Variants in PDE4B observed in about 807,000 individuals in gnomAD.
PDE4B encodes phosphodiesterase 4B.
A neutral mutation model predicts 82.2 loss-of-function variants in PDE4B; 20 were observed. The ratio of observed to expected loss-of-function variants is 0.24; its 90% CI spans 0.17 to 0.35. PDE4B has a LOEUF of 0.35. Among genes scored for constraint, PDE4B ranks in the 10% least tolerant of loss-of-function variants. PDE4B has a pLI of 1.00. For synonymous variants in PDE4B, 320 were observed against 318.9 expected (o/e 1.00, Z -0.04); for missense variants, 655 against 907.2 (o/e 0.72, Z 3.57).
chr1:65,883,137 G>A (rs369432299), intron 1 of PDE4B, among the ~76,000 whole-genome samples: 3,068 of 152,174 alleles, frequency 0.02, 55 homozygotes, highest in South Asian at 0.074. Context: ...TTGGAAATGC[G>A]GGCTCTTTTT....
At chr1:66,189,334 T>C (rs1647514192) in intron 3 of PDE4B, among the ~76,000 whole-genome samples, 7 of 152,004 alleles carry the variant, frequency 4.6e-5, no homozygotes, top group Admixed American at 3.9e-4. Context: ...TCTCGAGGAG[T>C]ATCTTTGTGG....
chr1:65,995,341 C>A (rs909906885), intron 3 of PDE4B, among the ~76,000 whole-genome samples: 3 of 152,134 alleles, frequency 2.0e-5, no homozygotes, highest in Non-Finnish European at 4.4e-5. Flanking sequence ...ATACAACATG[C>A]AATGAAAATC....
intron 4 of PDE4B, among the ~76,000 whole-genome samples, chr1:66,253,363 G>A (rs1177931036): frequency 1.3e-5 from 2 of 152,234 alleles, no homozygotes; most frequent in African/African-American, 4.8e-5. Flanking sequence ...GTGTGGCAGT[G>A]AAAGGCAGTA....
At chr1:65,803,431 C>T (rs527635361) in intron 1 of PDE4B, among the ~76,000 whole-genome samples, 71 of 152,014 alleles carry the variant, frequency 4.7e-4, no homozygotes, top group Non-Finnish European at 5.3e-4. Flanking sequence ...AGTATCATAA[C>T]CAGGAATTTT....
chr1:66,245,198 A>T (rs915065245), intron 3 of PDE4B, among the ~76,000 whole-genome samples: 33 of 152,192 alleles, frequency 2.2e-4, no homozygotes, highest in African/African-American at 7.0e-4. Context: ...TAGTTACTGG[A>T]TCACCAAGAA....
intron 3 of PDE4B, among the ~76,000 whole-genome samples, chr1:66,238,238 G>A (rs1378043166): frequency 1.3e-5 from 2 of 152,174 alleles, no homozygotes; most frequent in Non-Finnish European, 2.9e-5. Context: ...AAACACACAC[G>A]TGCAAAATTG....
intron 3 of PDE4B, among the ~76,000 whole-genome samples, chr1:66,094,745 C>A (rs1014789009): frequency 6.6e-6 from 1 of 151,928 alleles, no homozygotes; most frequent in Non-Finnish European, 1.5e-5. Flanking sequence ...ATCTAAAGCA[C>A]CATAATAGTA....
chr1:66,238,121 C>A (rs1276264223), intron 3 of PDE4B, among the ~76,000 whole-genome samples: 49 of 152,114 alleles, frequency 3.2e-4, no homozygotes, highest in African/African-American at 1.2e-3. Flanking sequence ...GAGGAGAAAA[C>A]AAACAGAAAG....
chr1:66,152,242 C>T (rs1367764865), intron 3 of PDE4B: 1 of 156,238 alleles, frequency 6.4e-6, no homozygotes, highest in African/African-American at 2.4e-5. Flanking sequence ...ATTTTAGAAG[C>T]TTTTCAATGA....
At chr1:65,884,801 C>T (rs2100356078) in intron 1 of PDE4B, among the ~76,000 whole-genome samples, 1 of 152,234 alleles carries the variant, frequency 6.6e-6, no homozygotes, top group East Asian at 1.9e-4. Flanking sequence ...TAGGCATGGG[C>T]AAGGACTTCA....
intron 1 of PDE4B, among the ~76,000 whole-genome samples, chr1:65,814,953 C>T (rs962017201): frequency 2.4e-4 from 37 of 151,772 alleles, no homozygotes; most frequent in African/African-American, 8.2e-4. Context: ...TTAGAAAGTG[C>T]TTGGCTATGC....
chr1:65,837,397 G>C (rs983561963), intron 1 of PDE4B, among the ~76,000 whole-genome samples: 18 of 152,026 alleles, frequency 1.2e-4, no homozygotes, highest in Non-Finnish European at 2.9e-5. Context: ...TTCAAGACCA[G>C]CCTGCCTCTA....
chr1:66,292,107 C>T (rs561002336), intron 7 of PDE4B, among the ~76,000 whole-genome samples: 5 of 152,038 alleles, frequency 3.3e-5, no homozygotes, highest in East Asian at 3.9e-4. Flanking sequence ...TTGTATAAAT[C>T]GAAGTTTAAG....
intron 3 of PDE4B, among the ~76,000 whole-genome samples, chr1:66,236,951 G>C (rs1652510419): frequency 6.6e-6 from 1 of 152,180 alleles, no homozygotes; most frequent in Admixed American, 6.5e-5. Context: ...ATAAAAACAA[G>C]TTCCTTCCTT....
chr1:65,913,386 G>T (rs1647119225), intron 2 of PDE4B, 30 bp downstream of exon 2: 3 of 1,608,486 alleles, frequency 1.9e-6, no homozygotes, highest in Non-Finnish European at 2.6e-6. Flanking sequence ...AATCATGTTT[G>T]GTCTGTTCAA....
chr1:66,355,065 G>A, intron 8 of PDE4B: 3 of 558,078 alleles, frequency 5.4e-6, no homozygotes, highest in Non-Finnish European at 9.3e-6. Flanking sequence ...TTATTTAAGT[G>A]TACTATGCTG....
chr1:66,090,621 A>ATATATATATGTG lies in PDE4B; in HGVS notation c.282-156838_282-156837insATATATATGTGT. Among the ~76,000 whole-genome samples, 9 of 122,730 alleles carry ATATATATATGTG rather than the reference A, an allele frequency of 7.3e-5. 1 individual carries two copies. Among genetic ancestry groups the ATATATATATGTG allele is most frequent in the African/African-American group, 3.7e-4 (9 of 24,378 alleles). The allele number at this position is 122,730 out of a possible 152,430, so 80.5% of individuals were successfully genotyped here. A position where few individuals can be genotyped will look rare whatever the true frequency, so the allele number is the denominator to read the frequency against. The stretch of plus-strand genomic sequence containing the variant: ...TTATATATATATATGTATATAATAT[A>ATATATATATGTG]TGTGTGTGTGTGTGTGTGTATGTAC... On this transcript the variant is annotated intron_variant, in intron 3 of 16. Transcript: ENST00000341517.
At chr1:66,100,379 A>T (rs982812749) in intron 3 of PDE4B, among the ~76,000 whole-genome samples, 8 of 152,096 alleles carry the variant, frequency 5.3e-5, no homozygotes, top group African/African-American at 1.9e-4. Flanking sequence ...TTTCACTTCT[A>T]ACCTTAATTT....
chr1:66,027,883 C>A (rs963366551), intron 3 of PDE4B, among the ~76,000 whole-genome samples: 4 of 152,218 alleles, frequency 2.6e-5, no homozygotes, highest in African/African-American at 9.6e-5. Context: ...CAGGGTACAG[C>A]CCTCCCTCCT....
Sources: gnomAD v4.1 joint callset for allele counts (sites outside exome capture counted in the v4.1 genomes callset) on GRCh38, gnomAD v4.1.1 for gene constraint, MANE v1.5 for transcripts, NCBI Gene and HGNC (gene_info 2026-07-23, HGNC 2026-07-21) for gene names.